CHRM3: variants seen among roughly 807,000 people sequenced by gnomAD.
The protein encoded by CHRM3 is muscarinic acetylcholine receptor M3.
In CHRM3, 11 loss-of-function variants were observed where a neutral mutation model predicts 41.8. The ratio of observed to expected loss-of-function variants is 0.26; its 90% CI spans 0.17 to 0.44. The LOEUF is 0.44. Among genes scored for constraint, CHRM3 ranks in the 20% least tolerant of loss-of-function variants. The pLI, the probability that CHRM3 is intolerant of heterozygous loss-of-function variation, is 1.00. For synonymous variants in CHRM3, 297 were observed against 301.4 expected, an observed-to-expected ratio of 0.99 and a Z score of 0.15; for missense variants, 571 against 745.4, an observed-to-expected ratio of 0.77 and a Z score of 2.72.
At chr1:239,732,971 C>T (rs1272208207) in intron 5 of CHRM3, among the ~76,000 whole-genome samples, 1 of 151,832 alleles carries the variant, frequency 6.6e-6, no homozygotes, top group Non-Finnish European at 1.5e-5. Flanking sequence ...CCTAATATCT[C>T]ATTTTGTTTG....
At position 239,672,599 on chromosome 1, in the gene CHRM3, TACACACACACACAC is replaced by T. The variant is rs35094370; in HGVS notation, c.-249-5569_-249-5556del. Among the ~76,000 whole-genome samples the T allele has an allele frequency of 4.8e-5, 7 of 145,944 alleles. No homozygotes were observed. The South Asian group carries it at 9.1e-4, about 19-fold the overall frequency. On this transcript the variant is annotated intron_variant, in intron 4 of 6. Coordinates refer to ENST00000676153, the MANE Select transcript of CHRM3 (RefSeq NM_001375978.1). Reference sequence around the variant, plus strand: ...TTAAACCATGTCTCTTTCTTCCCACTACACACACACACACACACACACACACACACAGAAAGGGG... The same window carrying T: ...TTAAACCATGTCTCTTTCTTCCCACTACACACACACACACACAGAAAGGGG...
intron 5 of CHRM3, among the ~76,000 whole-genome samples, chr1:239,796,145 A>G (rs1034362602): frequency 6.6e-6 from 1 of 152,070 alleles, no homozygotes. Flanking sequence ...ACATACCTAG[A>G]TGGGGTCTTG....
At chr1:239,541,287 T>G (rs548295193) in intron 2 of CHRM3, among the ~76,000 whole-genome samples, 8 of 152,216 alleles carry the variant, frequency 5.3e-5, no homozygotes, top group African/African-American at 1.9e-4. Context: ...TTTGAACACA[T>G]ATAAGTAATA....
chr1:239,641,011 A>G (rs1354645166), intron 4 of CHRM3, among the ~76,000 whole-genome samples: 5 of 151,780 alleles, frequency 3.3e-5, no homozygotes, highest in Non-Finnish European at 7.4e-5. Flanking sequence ...TTCTGCCTTC[A>G]TTTCGTTATG....
intron 1 of CHRM3, among the ~76,000 whole-genome samples, chr1:239,405,336 A>G (rs1478987128): frequency 2.6e-5 from 4 of 151,996 alleles, no homozygotes; most frequent in Non-Finnish European, 5.9e-5. Context: ...AAGTTCCTGA[A>G]TTGTGTCAGG....
chr1:239,469,140 A>G (rs1303408773), intron 1 of CHRM3, among the ~76,000 whole-genome samples: 5 of 152,178 alleles, frequency 3.3e-5, no homozygotes, highest in Non-Finnish European at 5.9e-5. Context: ...TATTTATTCA[A>G]CCTGGGTCTC....
At chr1:239,710,209 T>A (rs1402974237) in intron 5 of CHRM3, among the ~76,000 whole-genome samples, 1 of 152,132 alleles carries the variant, frequency 6.6e-6, no homozygotes, top group Non-Finnish European at 1.5e-5. Context: ...ACTATATCCA[T>A]ATTATTGAAT....
intron 6 of CHRM3, among the ~76,000 whole-genome samples, chr1:239,857,442 T>C (rs1372062642): frequency 6.6e-6 from 1 of 152,176 alleles, no homozygotes; most frequent in Non-Finnish European, 1.5e-5. Flanking sequence ...AGATAAGTTT[T>C]ATTGCTTTGA....
intron 3 of CHRM3, among the ~76,000 whole-genome samples, chr1:239,576,578 A>G (rs568540415): frequency 1.0e-5 from 1 of 95,252 alleles, no homozygotes; most frequent in East Asian, 3.1e-4. Flanking sequence ...TCATCTCTAC[A>G]CACACACACA....
At chr1:239,774,734 A>G (rs1238175318) in intron 5 of CHRM3, among the ~76,000 whole-genome samples, 1 of 152,166 alleles carries the variant, frequency 6.6e-6, no homozygotes, top group Non-Finnish European at 1.5e-5. Context: ...CAATTTAGAA[A>G]CAATAATTAT....
At chr1:239,846,084 TACA>T (rs1429221846) in intron 6 of CHRM3, among the ~76,000 whole-genome samples, 2 of 152,162 alleles carry the variant, frequency 1.3e-5, no homozygotes, top group African/African-American at 4.8e-5. Context: ...AAGTGAAACT[TACA>T]ACTTTTTTTT....
At chr1:239,436,138 G>A (rs2103213710) in intron 1 of CHRM3, among the ~76,000 whole-genome samples, 1 of 152,266 alleles carries the variant, frequency 6.6e-6, no homozygotes, top group South Asian at 2.1e-4. Context: ...TGCGTAAGAG[G>A]GAGAGGCAAA....
chr1:239,684,784 AAAGAG>A lies in CHRM3; in HGVS notation c.-147+6505_-147+6509del, dbSNP rs930854993. The stretch of plus-strand genomic sequence containing the variant: ...AAAGAAAGAAAGAGAAAGAGAAAGA[AAAGAG>A]AAGAGAAGGAAAAGAAAAGAGAGGA... On this transcript the variant is annotated intron_variant, in intron 5 of 6. Transcript: ENST00000676153. 1.1e-3 allele frequency among the ~76,000 whole-genome samples: 173 copies of A among 151,220 alleles called. 1 individual carries two copies. Among genetic ancestry groups the A allele is most frequent in the Non-Finnish European group, 1.7e-3 (114 of 67,796 alleles).
At chr1:239,393,087 G>T (rs922132295) in intron 1 of CHRM3, among the ~76,000 whole-genome samples, 4 of 152,084 alleles carry the variant, frequency 2.6e-5, no homozygotes, top group Non-Finnish European at 5.9e-5. Flanking sequence ...TTGAGGCCAG[G>T]AGTTCAAGGT....
intron 5 of CHRM3, chr1:239,703,051 G>C (rs1228927996): frequency 6.6e-6 from 1 of 152,108 alleles, no homozygotes; most frequent in Non-Finnish European, 1.5e-5. Context: ...GAAATATATT[G>C]ATTAGGCCCC....
At chr1:239,648,874 A>C (rs1327512022) in intron 4 of CHRM3, among the ~76,000 whole-genome samples, 1 of 152,212 alleles carries the variant, frequency 6.6e-6, no homozygotes, top group African/African-American at 2.4e-5. Flanking sequence ...TGACTGACAC[A>C]TGAATCAGTG....
intron 1 of CHRM3, among the ~76,000 whole-genome samples, chr1:239,457,721 G>C (rs1665059046): frequency 6.6e-6 from 1 of 152,146 alleles, no homozygotes. Context: ...ATGCTTCAGA[G>C]GTGCTCAGTT....
At chr1:239,894,443 TA>T (rs1423150224) in intron 6 of CHRM3, among the ~76,000 whole-genome samples, 2 of 152,124 alleles carry the variant, frequency 1.3e-5, no homozygotes, top group East Asian at 3.9e-4. Context: ...TATTTATTTT[TA>T]TTTTTTGAGA....
intron 5 of CHRM3, among the ~76,000 whole-genome samples, chr1:239,794,252 A>C (rs1558128109): frequency 6.6e-6 from 1 of 152,208 alleles, no homozygotes; most frequent in Non-Finnish European, 1.5e-5. Context: ...CAGAGATCAC[A>C]GTGAAATAAA....
Sources: allele counts gnomAD v4.1 joint callset (sites outside exome capture counted in the v4.1 genomes callset), GRCh38; gene constraint gnomAD v4.1.1; transcripts MANE v1.5; gene names NCBI Gene and HGNC (gene_info 2026-07-23, HGNC 2026-07-21).